The following LYZL1 variants were observed in gnomAD, a reference collection of about 807,000 sequenced individuals.
The protein encoded by LYZL1 is lysozyme like 1.
In LYZL1, 16 loss-of-function variants were observed where a neutral mutation model predicts 17.9. The ratio of observed to expected loss-of-function variants is 0.90; its 90% CI spans 0.61 to 1.36. LYZL1 has a LOEUF of 1.36. Among genes scored for constraint, LYZL1 ranks in the 40% most tolerant of loss-of-function variants. LYZL1 has a pLI of 0.00. For missense variants in LYZL1, 149 were observed against 188.4 expected (o/e 0.79, Z 1.22); for synonymous variants, 58 against 71.8 (o/e 0.81, Z 0.97).
At chr10:29,309,189 CA>C (rs1835636395) in intron 3 of LYZL1, among the ~76,000 whole-genome samples, 1 of 151,866 alleles carries the variant, frequency 6.6e-6, no homozygotes, top group Admixed American at 6.6e-5. Context: ...ATTAGCCCAG[CA>C]TGGTGGCACA....
intron 1 of LYZL1, among the ~76,000 whole-genome samples, chr10:29,290,126 A>G (rs988346313): frequency 6.6e-6 from 1 of 152,162 alleles, no homozygotes; most frequent in Admixed American, 6.5e-5. Flanking sequence ...CAATGCAGGA[A>G]TCCAGCCCCA....
intron 3 of LYZL1, among the ~76,000 whole-genome samples, chr10:29,303,370 T>G (rs1019064887): frequency 6.6e-6 from 1 of 152,136 alleles, no homozygotes; most frequent in Non-Finnish European, 1.5e-5. Flanking sequence ...ACTGTGTTTT[T>G]CTCTCTCTCA....
chr10:29,315,472 C>T (rs1377513425), downstream of LYZL1, among the ~76,000 whole-genome samples: 2 of 152,022 alleles, frequency 1.3e-5, no homozygotes, highest in African/African-American at 4.8e-5. Context: ...GATTGCATCA[C>T]TGCACTCCAG....
At chr10:29,296,459 G>T (rs1470559384) in intron 3 of LYZL1, among the ~76,000 whole-genome samples, 1 of 152,180 alleles carries the variant, frequency 6.6e-6, no homozygotes, top group Non-Finnish European at 1.5e-5. Context: ...CACTTAAGGA[G>T]TAGTTAGAAC....
chr10:29,293,117 C>T (rs370238873), intron 3 of LYZL1, among the ~76,000 whole-genome samples: 80 of 106,972 alleles, frequency 7.5e-4, no homozygotes, highest in Admixed American at 1.7e-3. Context: ...CTTTTTTTTT[C>T]TTTTCTTTTC....
At chr10:29,315,804 G>A (rs1021105228), downstream of LYZL1, among the ~76,000 whole-genome samples, 4 of 150,708 alleles carry the variant, frequency 2.7e-5, no homozygotes, top group Admixed American at 2.0e-4. Flanking sequence ...AGCTCTGACC[G>A]TACCACCGCG....
chr10:29,290,595 C>A (rs1197293014), intron 1 of LYZL1, among the ~76,000 whole-genome samples: 1 of 152,156 alleles, frequency 6.6e-6, no homozygotes, highest in Non-Finnish European at 1.5e-5. Context: ...TATCCCAGCA[C>A]TTTGGGAGGC....
At chr10:29,306,893 C>T (rs1835604332) in intron 3 of LYZL1, among the ~76,000 whole-genome samples, 1 of 151,840 alleles carries the variant, frequency 6.6e-6, no homozygotes, top group Admixed American at 6.6e-5. Flanking sequence ...CTGGCTCTGT[C>T]ACCCAGCCTG....
rs374252423 is a variant in LYZL1, at chr10:29,309,100, G to A, written c.299-1010G>A. ...TCCCAGCACTTTGGGAGGCCGAGGT[G>A]GGTGGATCACTTGATGTCAGGAGTT... On this transcript the variant is annotated intron_variant, in intron 3 of 4. Coordinates refer to ENST00000649382, the MANE Select transcript of LYZL1 (RefSeq NM_032517.6). 2.6e-3 allele frequency among the ~76,000 whole-genome samples: 393 copies of A among 150,580 alleles called. 1 individual carries two copies. Among genetic ancestry groups the A allele is most frequent in the African/African-American group, 9.0e-3 (371 of 41,032 alleles).
intron 3 of LYZL1, among the ~76,000 whole-genome samples, chr10:29,296,957 C>G (rs1456969579): frequency 6.6e-6 from 1 of 151,574 alleles, no homozygotes; most frequent in Non-Finnish European, 1.5e-5. Context: ...AAAAACCAAA[C>G]AGATAAAACT....
In LYZL1 at chr10:29,310,995, G is replaced by T. The variant is rs1291827980; in HGVS notation, c.383G>T (p.Gly128Val). The T allele has an allele frequency of 6.2e-7, 1 of 1,614,064 alleles. No homozygotes were observed. Among genetic ancestry groups the T allele is most frequent in the Non-Finnish European group, 8.5e-7 (1 of 1,180,042 alleles). Residue 128 changes from glycine (G) to valine (V), a missense_variant, in exon 5 of 5, where the codon GGC (glycine) becomes GTC (valine). This residue lies in a region of LYZL1 where 130 missense variants were observed against 132.5 expected (regional missense o/e 0.98). Coordinates refer to ENST00000649382, the MANE Select transcript of LYZL1 (RefSeq NM_032517.6). ...TGCTTCCCTCTCATCCTCAGGCAAG[G>T]CTGGAAGAAACATTGTGAGGGCAGA... ...KETQGMNYWQGWKKHCEGRDL... is the reference protein window; with the variant it reads ...KETQGMNYWQVWKKHCEGRDL...
intron 1 of LYZL1, among the ~76,000 whole-genome samples, chr10:29,290,831 T>G (rs984600327): frequency 3.7e-5 from 5 of 135,010 alleles, no homozygotes; most frequent in Non-Finnish European, 8.1e-5. Flanking sequence ...AGAGTGAGAT[T>G]CCATCTCAAA....
chr10:29,298,956 A>G (rs2132822521), intron 3 of LYZL1, among the ~76,000 whole-genome samples: 1 of 152,280 alleles, frequency 6.6e-6, no homozygotes, highest in Middle Eastern at 3.4e-3. Context: ...TATACAACTC[A>G]CCATAATGTA....
At position 29,302,522 on chromosome 10, in the gene LYZL1, G is replaced by A. The variant is rs546173879; in HGVS notation, c.299-7588G>A. Among the ~76,000 whole-genome samples, 7 of 152,328 alleles carry A rather than the reference G, an allele frequency of 4.6e-5. No homozygotes were observed. In the South Asian group the frequency reaches 6.2e-4, roughly 14 times the overall value. On this transcript the variant is annotated intron_variant, in intron 3 of 4. Coordinates refer to ENST00000649382, the MANE Select transcript of LYZL1 (RefSeq NM_032517.6). Reference sequence around the variant, plus strand: ...TGGGCGGTCCTCTTCGTGCATTTGCGCAGTAGCTGTACATGGATGTTCATA... The same window carrying A: ...TGGGCGGTCCTCTTCGTGCATTTGCACAGTAGCTGTACATGGATGTTCATA...
At position 29,308,383 on chromosome 10, in the gene LYZL1, G is replaced by A. The variant is rs564207355; in HGVS notation, c.299-1727G>A. Among the ~76,000 whole-genome samples, 56 of 152,314 alleles carry A rather than the reference G, an allele frequency of 3.7e-4. 1 individual carries two copies. The South Asian group carries it at 8.5e-3, about 23-fold the overall frequency. Reference sequence around the variant, plus strand: ...CTGCCCAATGAATTGCTGGGTCTGCGTCACAAATGGACATCTCCGTCTGCC... The same window carrying A: ...CTGCCCAATGAATTGCTGGGTCTGCATCACAAATGGACATCTCCGTCTGCC... On this transcript the variant is annotated intron_variant, in intron 3 of 4. Transcript: ENST00000649382.
chr10:29,310,907 G>A, intron 4 of LYZL1, 83 bp from the exon 5 acceptor site: 1 of 1,607,536 alleles, frequency 6.2e-7, no homozygotes, highest in Non-Finnish European at 8.5e-7. Context: ...GGCGATTTTG[G>A]TTAATTTCTG....
chr10:29,300,076 C>T (rs1303492662), intron 3 of LYZL1, among the ~76,000 whole-genome samples: 2 of 152,114 alleles, frequency 1.3e-5, no homozygotes, highest in African/African-American at 4.8e-5. Context: ...GCTTTATTTA[C>T]AGAAACAGGA....
At chr10:29,296,658 C>T (rs1445227789) in intron 3 of LYZL1, among the ~76,000 whole-genome samples, 2 of 152,144 alleles carry the variant, frequency 1.3e-5, no homozygotes, top group Admixed American at 6.5e-5. Flanking sequence ...TTCCAACCAC[C>T]ATCTCCACTC....
downstream of LYZL1, among the ~76,000 whole-genome samples, chr10:29,314,352 A>G (rs1424132627): frequency 6.6e-6 from 1 of 152,204 alleles, no homozygotes; most frequent in Non-Finnish European, 1.5e-5. Flanking sequence ...ATAATAGTTA[A>G]CATTCAAAAA....
Sources: allele counts gnomAD v4.1 joint callset (sites outside exome capture counted in the v4.1 genomes callset), GRCh38; gene constraint gnomAD v4.1.1; regional missense constraint gnomAD v4.1.1; transcripts MANE v1.5; gene names NCBI Gene and HGNC (gene_info 2026-07-23, HGNC 2026-07-21).